Variants in MSRA observed in about 807,000 individuals in gnomAD.
The protein encoded by MSRA is mitochondrial peptide methionine sulfoxide reductase.
A neutral mutation model predicts 31.3 loss-of-function variants in MSRA; 54 were observed. The ratio of observed to expected loss-of-function variants is 1.73; its 90% CI spans 1.39 to 2.17. The LOEUF is 2.17. Ranked by LOEUF, MSRA falls within the 30% of genes most tolerant of loss-of-function variation. The pLI is 0.00. For missense variants in MSRA, 507 were observed against 300.9 expected (o/e 1.69, Z -5.07); for synonymous variants, 169 against 116.5 (o/e 1.45, Z -2.90).
intron 3 of MSRA, among the ~76,000 whole-genome samples, chr8:10,300,149 T>TGC (rs1353772796): frequency 2.0e-5 from 3 of 150,266 alleles, no homozygotes; most frequent in African/African-American, 5.0e-5. Context: ...TGTGTGTGTG[T>TGC]GCACGCGTGC....
chr8:10,288,515 T>A (rs1320820624), intron 3 of MSRA, among the ~76,000 whole-genome samples: 1 of 152,192 alleles, frequency 6.6e-6, no homozygotes, highest in East Asian at 1.9e-4. Context: ...GGCATGCTTT[T>A]AAGATAAAGC....
chr8:10,290,476 G>A (rs1485441096), intron 3 of MSRA, among the ~76,000 whole-genome samples: 1 of 152,072 alleles, frequency 6.6e-6, no homozygotes, highest in Admixed American at 6.5e-5. Context: ...CCTCCTTTGT[G>A]GTTTAGCCAC....
At position 10,366,755 on chromosome 8, in the gene MSRA, T is replaced by C. The variant is rs895093560; in HGVS notation, c.543+46766T>C. On this transcript the variant is annotated intron_variant, in intron 5 of 5. Coordinates refer to ENST00000317173, the MANE Select transcript of MSRA (RefSeq NM_012331.5). ...GTCGGCGGCTGTCTTAACTGATCTT[T>C]TTCATTCTGAGCACCATTAGTATGT... Among the ~76,000 whole-genome samples, 3 of 152,164 alleles carry C rather than the reference T, an allele frequency of 2.0e-5. No individual in the cohort carries two copies. The East Asian group carries it at 5.8e-4, about 29-fold the overall frequency.
intron 3 of MSRA, among the ~76,000 whole-genome samples, chr8:10,283,276 C>T (rs1799731910): frequency 6.6e-6 from 1 of 152,024 alleles, no homozygotes; most frequent in African/African-American, 2.4e-5. Flanking sequence ...GTGGATCCTG[C>T]ATTTTGTCAT....
intron 5 of MSRA, among the ~76,000 whole-genome samples, chr8:10,358,128 CATGTTGG>C (rs1313979419): frequency 9.2e-5 from 14 of 152,054 alleles, no homozygotes. Flanking sequence ...GGGGTTTCAC[CATGTTGG>C]CCAGGCTGGT....
intron 1 of MSRA, among the ~76,000 whole-genome samples, chr8:10,073,786 C>T (rs999460116): frequency 6.6e-6 from 1 of 152,076 alleles, no homozygotes; most frequent in Admixed American, 6.6e-5. Flanking sequence ...TGGGGTAGTT[C>T]TAACATGTTC....
chr8:10,058,088 G>A (rs1002005287), intron 1 of MSRA, among the ~76,000 whole-genome samples: 5 of 152,046 alleles, frequency 3.3e-5, no homozygotes, highest in African/African-American at 7.2e-5. Flanking sequence ...GCTTTCTTGC[G>A]TTTACATTCT....
intron 1 of MSRA, among the ~76,000 whole-genome samples, chr8:10,109,614 T>C (rs1389463279): frequency 1.3e-5 from 2 of 152,230 alleles, no homozygotes; most frequent in Non-Finnish European, 2.9e-5. Context: ...AGTGCTGGAA[T>C]TATAGGTGTA....
intron 5 of MSRA, among the ~76,000 whole-genome samples, chr8:10,378,618 C>T (rs950375811): frequency 6.6e-6 from 1 of 152,182 alleles, no homozygotes; most frequent in African/African-American, 2.4e-5. Context: ...CTCCTAACAT[C>T]CCCCTCAGCA....
At chr8:10,263,101 C>T (rs566153381) in intron 3 of MSRA, among the ~76,000 whole-genome samples, 1 of 152,306 alleles carries the variant, frequency 6.6e-6, no homozygotes, top group African/African-American at 2.4e-5. Context: ...CAGCCCGAGG[C>T]CTAGTGTCTA....
intron 1 of MSRA, among the ~76,000 whole-genome samples, chr8:10,153,319 G>A (rs1585044617): frequency 6.6e-6 from 1 of 152,160 alleles, no homozygotes; most frequent in Non-Finnish European, 1.5e-5. Flanking sequence ...CCAGTTAATT[G>A]TTCTTTCCCC....
chr8:10,237,579 A>G (rs893554953), intron 2 of MSRA, among the ~76,000 whole-genome samples: 2 of 152,220 alleles, frequency 1.3e-5, no homozygotes, highest in African/African-American at 4.8e-5. Context: ...ACAAAGAAAA[A>G]TTTGAAGAAG....
At chr8:10,184,532 G>A (rs527700365) in intron 1 of MSRA, among the ~76,000 whole-genome samples, 24 of 151,776 alleles carry the variant, frequency 1.6e-4, no homozygotes, top group African/African-American at 5.1e-4. Context: ...TGGATTCTAG[G>A]GTTATTATTA....
Position 10,301,619 on chromosome 8 carries a change from G to A in MSRA, c.417G>A (p.Glu139=). 6.2e-7 allele frequency: 1 copy of A among 1,614,052 alleles called. No homozygotes were observed. Among genetic ancestry groups the A allele is most frequent in the Middle Eastern group, 1.6e-4 (1 of 6,062 alleles). ...SFEELLKVFW[E]NHDPTQGMRQ... is the part of the protein sequence containing the mutation. ...AGGAACTGCTCAAGGTCTTCTGGGA[G>A]AATCACGACCCGACCCAAGGTAGAG... Residue 139 remains glutamate, a synonymous_variant, in exon 4 of 6, where the codon GAG becomes GAA. Transcript: ENST00000317173.
At chr8:10,312,778 G>A (rs1585436150) in intron 4 of MSRA, among the ~76,000 whole-genome samples, 1 of 152,136 alleles carries the variant, frequency 6.6e-6, no homozygotes, top group Admixed American at 6.5e-5. Flanking sequence ...AACCACCTTA[G>A]CAGGTATTTT....
intron 1 of MSRA, among the ~76,000 whole-genome samples, chr8:10,181,008 A>G (rs11786120): frequency 0.37 from 56,971 of 152,014 alleles, 11,106 homozygotes; most frequent in East Asian, 0.52. Context: ...GGACTTCTCT[A>G]TCAAATCCAC....
chr8:10,055,925 C>G (rs1802337135), intron 1 of MSRA, among the ~76,000 whole-genome samples: 1 of 152,078 alleles, frequency 6.6e-6, no homozygotes, highest in Non-Finnish European at 1.5e-5. Context: ...ACCTGCTACT[C>G]AGCCGTAAAA....
chr8:10,177,875 TAGAG>T (rs1175300094), intron 1 of MSRA, among the ~76,000 whole-genome samples: 17 of 152,226 alleles, frequency 1.1e-4, no homozygotes, highest in African/African-American at 4.1e-4. Flanking sequence ...ATAGTTGATG[TAGAG>T]TGGGATTTTA....
intron 3 of MSRA, among the ~76,000 whole-genome samples, chr8:10,265,187 A>T (rs1258642911): frequency 6.6e-6 from 1 of 152,168 alleles, no homozygotes; most frequent in African/African-American, 2.4e-5. Context: ...CCAGATGCTA[A>T]TATGCTCTGC....
Sources: allele counts gnomAD v4.1 joint callset (sites outside exome capture counted in the v4.1 genomes callset), GRCh38; gene constraint gnomAD v4.1.1; transcripts MANE v1.5; gene names NCBI Gene and HGNC (gene_info 2026-07-23, HGNC 2026-07-21).